Variants in GPHN observed in about 807,000 individuals in gnomAD.
GPHN encodes gephyrin.
In GPHN, 17 loss-of-function variants were observed where a neutral mutation model predicts 95.5. The ratio of observed to expected loss-of-function variants is 0.18; its 90% CI spans 0.12 to 0.27. The LOEUF (loss-of-function observed/expected upper bound fraction) is 0.27. Among genes scored for constraint, GPHN ranks in the 10% least tolerant of loss-of-function variants. The probability of loss-of-function intolerance (pLI) is 1.00; values close to 1 mark genes in which losing one functional copy is unlikely to be tolerated. For synonymous variants in GPHN, 320 were observed against 322.5 expected (o/e 0.99, Z 0.08); for missense variants, 660 against 978.1 (o/e 0.67, Z 4.34).
chr14:67,272,488 A>G, the GPHN span, among the ~76,000 whole-genome samples: 6 of 152,234 alleles, frequency 3.9e-5, no homozygotes, highest in Non-Finnish European at 7.3e-5. Context: ...GTTGGCTGGC[A>G]CATAAAGAAG....
At chr14:66,538,566 A>T (rs900873395) in intron 1 of GPHN, among the ~76,000 whole-genome samples, 2 of 151,830 alleles carry the variant, frequency 1.3e-5, no homozygotes, top group Non-Finnish European at 2.9e-5. Flanking sequence ...AAGTTTTAAT[A>T]GCTTATTTTC....
At chr14:67,111,656 A>T (rs558385522) in intron 14 of GPHN, among the ~76,000 whole-genome samples, 229 of 152,190 alleles carry the variant, frequency 1.5e-3, no homozygotes, top group African/African-American at 5.0e-3. Context: ...GGAGAAAAAA[A>T]TTTTTTATTT....
the GPHN span, among the ~76,000 whole-genome samples, chr14:67,212,405 T>C: frequency 6.6e-6 from 1 of 151,498 alleles, no homozygotes; most frequent in South Asian, 2.1e-4. Flanking sequence ...CTGGGCAACA[T>C]TGCAAAACCC....
chr14:67,489,786 C>G, the GPHN span, among the ~76,000 whole-genome samples: 3 of 152,238 alleles, frequency 2.0e-5, no homozygotes, highest in East Asian at 3.9e-4. Flanking sequence ...GTCAGGAGAT[C>G]GAGACCATCC....
At chr14:67,667,418 T>C in the GPHN span, among the ~76,000 whole-genome samples, 4 of 152,124 alleles carry the variant, frequency 2.6e-5, no homozygotes, top group Non-Finnish European at 5.9e-5. Context: ...ATACAAGAGT[T>C]AAAAGCAACA....
At chr14:66,952,696 T>C (rs2068181962) in intron 8 of GPHN, among the ~76,000 whole-genome samples, 1 of 152,152 alleles carries the variant, frequency 6.6e-6, no homozygotes, top group Non-Finnish European at 1.5e-5. Context: ...TTGCTTTTTT[T>C]CTTCTTTTTT....
the GPHN span, chr14:67,592,779 C>G: frequency 1.9e-6 from 2 of 1,035,672 alleles, no homozygotes; most frequent in Non-Finnish European, 3.0e-6. Flanking sequence ...TTCTTTTTTT[C>G]TTTTTCCTTT....
chr14:67,726,091 A>G, the GPHN span: 43 of 1,614,114 alleles, frequency 2.7e-5, 1 homozygote, highest in African/African-American at 4.7e-4. Context: ...ATGCGGGAGT[A>G]ATGATGTGTC....
the GPHN span, among the ~76,000 whole-genome samples, chr14:67,646,095 T>C: frequency 4.9e-4 from 75 of 152,336 alleles, no homozygotes; most frequent in African/African-American, 1.8e-3. Context: ...TCAGACACAC[T>C]GATCTAGAAG....
chr14:67,321,093 G>A, the GPHN span: 1 of 1,614,012 alleles, frequency 6.2e-7, no homozygotes, highest in Non-Finnish European at 8.5e-7. Context: ...GAAGTAGCCG[G>A]TAGAGATTAC....
chr14:67,369,579 A>G, the GPHN span, among the ~76,000 whole-genome samples: 2 of 152,196 alleles, frequency 1.3e-5, no homozygotes, highest in Non-Finnish European at 2.9e-5. Flanking sequence ...CTATAATATT[A>G]ATACAACTCT....
chr14:66,656,985 C>A (rs924353751), intron 1 of GPHN, among the ~76,000 whole-genome samples: 1 of 152,178 alleles, frequency 6.6e-6, no homozygotes, highest in African/African-American at 2.4e-5. Flanking sequence ...AAAGGCATGT[C>A]ACAAGCCAAA....
intron 6 of GPHN, among the ~76,000 whole-genome samples, chr14:66,920,595 T>A (rs1350023971): frequency 6.6e-6 from 1 of 151,980 alleles, no homozygotes; most frequent in Non-Finnish European, 1.5e-5. Context: ...CAGTCTTATT[T>A]TTTTTTATTT....
At chr14:67,331,138 G>GAA in the GPHN span, among the ~76,000 whole-genome samples, 1 of 152,092 alleles carries the variant, frequency 6.6e-6, no homozygotes, top group Non-Finnish European at 1.5e-5. Flanking sequence ...TCTGCTTCCT[G>GAA]GGTTTAAGTG....
At chr14:66,852,803 T>C (rs545576091) in intron 4 of GPHN, among the ~76,000 whole-genome samples, 30 of 152,200 alleles carry the variant, frequency 2.0e-4, no homozygotes, top group Non-Finnish European at 3.1e-4. Flanking sequence ...ATAAAATTAG[T>C]GAACTCTCAT....
the GPHN span, among the ~76,000 whole-genome samples, chr14:67,461,514 C>T: frequency 6.6e-6 from 1 of 152,190 alleles, no homozygotes; most frequent in African/African-American, 2.4e-5. Flanking sequence ...CTTCCATTTT[C>T]TGGTACTTTC....
intron 4 of GPHN, among the ~76,000 whole-genome samples, chr14:66,858,425 G>C (rs1056958255): frequency 6.6e-6 from 1 of 151,778 alleles, no homozygotes; most frequent in Non-Finnish European, 1.5e-5. Flanking sequence ...GGCCAGAAGG[G>C]AACCTGTTGC....
chr14:67,496,886 C>CT, the GPHN span, among the ~76,000 whole-genome samples: 1 of 151,972 alleles, frequency 6.6e-6, no homozygotes, highest in South Asian at 2.1e-4. Context: ...CAACCTCTGC[C>CT]TCCCGGGTTC....
intron 1 of GPHN, among the ~76,000 whole-genome samples, chr14:66,583,889 G>A (rs1472209163): frequency 6.6e-6 from 1 of 151,836 alleles, no homozygotes; most frequent in Non-Finnish European, 1.5e-5. Context: ...GGTTCCATAT[G>A]AACTTTAAAG....
Sources: allele counts gnomAD v4.1 joint callset (sites outside exome capture counted in the v4.1 genomes callset), GRCh38; gene constraint gnomAD v4.1.1; transcripts MANE v1.5; gene names NCBI Gene and HGNC (gene_info 2026-07-23, HGNC 2026-07-21).